Variants in CREB3L4 observed in about 807,000 individuals in gnomAD.
The protein encoded by CREB3L4 is cyclic AMP-responsive element-binding protein 3-like protein 4.
A neutral mutation model predicts 37.0 loss-of-function variants in CREB3L4; 28 were observed. The observed-to-expected ratio is 0.76, with a 90% CI of 0.56 to 1.04. The LOEUF is 1.04. Ranked by LOEUF, CREB3L4 falls within the 50% of genes least tolerant of loss-of-function variation. The pLI is 0.00. For synonymous variants in CREB3L4, 175 were observed against 192.2 expected, an observed-to-expected ratio of 0.91 and a Z score of 0.74; for missense variants, 462 against 486.0, an observed-to-expected ratio of 0.95 and a Z score of 0.46.
chr1:153,973,303 C>G (rs1426309457), intron 7 of CREB3L4, 40 bp downstream of exon 7: 1 of 1,610,228 alleles, frequency 6.2e-7, no homozygotes. Context: ...GTTTTGAAGG[C>G]AGGTACAGCA....
rs1311106305 is a variant in CREB3L4 at position 153,968,085 on chromosome 1, T to G, written c.-84T>G. ...AGCAGAAAGGGCGCGGCTACCTACT[T>G]CTTAAATTCCGTTTGTGGACCCTCA... On this transcript the variant is annotated 5_prime_UTR_variant, in exon 1 of 10. Coordinates refer to ENST00000368607, the MANE Select transcript of CREB3L4 (RefSeq NM_001255978.2). 1 of 155,114 alleles carries G rather than the reference T, an allele frequency of 6.4e-6. No individual in the cohort carries two copies. Among genetic ancestry groups the G allele is most frequent in the South Asian group, 1.9e-4 (1 of 5,220 alleles). The allele number at this position is 155,114 out of a possible 1,614,324, so 9.6% of individuals were successfully genotyped here. A position where few individuals can be genotyped will look rare whatever the true frequency, so the allele number is the denominator to read the frequency against.
chr1:153,974,040 C>A lies in CREB3L4; in HGVS notation c.1163C>A (p.Ser388Tyr), dbSNP rs760527182. Residue 388 changes from serine (S) to tyrosine (Y), a missense_variant, in exon 10 of 10, where the codon TCC (serine) becomes TAC (tyrosine). Physicochemically the swap from Ser to Tyr is moderately radical, Grantham distance 144. Coordinates refer to ENST00000368607, the MANE Select transcript of CREB3L4 (RefSeq NM_001255978.2). The part of the protein sequence containing the change: ...GKPRPSGRIR[S>Y]VLHADEM ...CCAAGACCCAGTGGGCGCATCCGGT[C>A]CGTGCTGCATGCAGATGAGATGTGA... The A allele has an allele frequency of 1.2e-6, 2 of 1,613,910 alleles. No homozygotes were observed. Among genetic ancestry groups the A allele is most frequent in the East Asian group, 4.5e-5 (2 of 44,874 alleles).
At chr1:153,967,886 T>G (rs1405536396), upstream of CREB3L4, 2 of 152,040 alleles carry the variant, frequency 1.3e-5, no homozygotes, top group African/African-American at 4.8e-5. Flanking sequence ...AATTCGCAGG[T>G]CTCTTGACTC....
In CREB3L4 at chr1:153,968,991, A is replaced by G; in HGVS notation, c.236A>G (p.Tyr79Cys). The G allele has an allele frequency of 6.2e-7, 1 of 1,614,124 alleles. No individual in the cohort carries two copies. The highest frequency in any genetic ancestry group is 2.2e-5 in the East Asian group (1 of 44,888). ...CTTTTCATTGATCCCAATGAGGTGT[A>G]CTGCTCAGAAGCATCTCCTGGCAGT... ...LKLFIDPNEV[Y>C]CSEASPGSDS... Residue 79 changes from tyrosine (Y) to cysteine (C), a missense_variant, in exon 3 of 10, where the codon TAC becomes TGC. Physicochemically the swap from Tyr to Cys is radical, Grantham distance 194. Coordinates refer to ENST00000368607, the MANE Select transcript of CREB3L4 (RefSeq NM_001255978.2).
rs760285959 is a variant in CREB3L4 at position 153,974,352 on chromosome 1, A to G, written c.*287A>G. On this transcript the variant is annotated 3_prime_UTR_variant, in exon 10 of 10. Coordinates refer to ENST00000368607, the MANE Select transcript of CREB3L4 (RefSeq NM_001255978.2). ...GTTTTGAGTGAGAAATAAACGTTTT[A>G]GCTGAAATTGTATCCCAGAAGTTTG... is the stretch of plus-strand genomic sequence containing the variant. 4 of 423,260 alleles carry G rather than the reference A, an allele frequency of 9.5e-6. No individual in the cohort carries two copies. The highest frequency in any genetic ancestry group is 1.7e-5 in the Non-Finnish European group (4 of 236,810). The allele number at this position is 423,260 out of a possible 1,614,324, so 26.2% of individuals were successfully genotyped here. A position where few individuals can be genotyped will look rare whatever the true frequency, so the allele number is the denominator to read the frequency against.
In CREB3L4 at chr1:153,972,812, G is replaced by A. The variant is rs1247316785; in HGVS notation, c.612G>A (p.Leu204=). ...KRLLGQEGVS[L]PSHLPLTKAE... Reference sequence around the variant, plus strand: ...TGCTGGGGCAGGAAGGGGTTTCCCTGCCCTCTCACCTGCCCCTCACCAAGG... The same window carrying A: ...TGCTGGGGCAGGAAGGGGTTTCCCTACCCTCTCACCTGCCCCTCACCAAGG... Residue 204 remains leucine, a synonymous_variant, in exon 5 of 10, where the codon CTG becomes CTA. Transcript: ENST00000368607. 1.2e-6 allele frequency: 2 copies of A among 1,613,742 alleles called. No individual in the cohort carries two copies. Among genetic ancestry groups the A allele is most frequent in the Middle Eastern group, 1.7e-4 (1 of 6,040 alleles).
chr1:153,973,783 G>A (rs988323858), intron 9 of CREB3L4, 67 bp downstream of exon 9: 37 of 1,558,084 alleles, frequency 2.4e-5, no homozygotes, highest in Middle Eastern at 3.4e-4. Context: ...CTCCAAGGTC[G>A]TCAAGAAGCA....
intron 4 of CREB3L4, among the ~76,000 whole-genome samples, chr1:153,971,194 C>G (rs1213174801): frequency 6.6e-6 from 1 of 150,768 alleles, no homozygotes; most frequent in African/African-American, 2.4e-5. Flanking sequence ...ATGGTGAAAC[C>G]CCATCTCTAC....
At position 153,968,686 on chromosome 1, in the gene CREB3L4, G is replaced by A; in HGVS notation, c.161G>A (p.Gly54Glu). 3 of 1,613,992 alleles carry A rather than the reference G, an allele frequency of 1.9e-6. No homozygotes were observed. The highest frequency in any genetic ancestry group is 2.5e-6 in the Non-Finnish European group (3 of 1,180,026). ...EQGLQGWKSG[G>E]DRGCGLQESE... ...GGACTGCAAGGCTGGAAGTCCGGTG[G>A]GGACCGTGGCTGTGTGAGTGTGACG... The change falls in exon 2 of 10, where the codon GGG (glycine) becomes GAG (glutamate). Residue 54 changes from glycine (G) to glutamate (E), a missense_variant. Physicochemically the swap from Gly to Glu is moderately conservative, Grantham distance 98 (BLOSUM62 -2). Transcript: ENST00000368607.
chr1:153,969,105 A>G lies in CREB3L4; in HGVS notation c.350A>G (p.Tyr117Cys), dbSNP rs757192742. The change falls in exon 3 of 10, where the codon TAT (tyrosine) becomes TGT (cysteine). Residue 117 changes from tyrosine to cysteine, a missense_variant. Tyr to Cys is a radical substitution (Grantham distance 194, BLOSUM62 -2). Transcript: ENST00000368607. ...TCTCCTATGCTCTATGAGGTTGTCT[A>G]TGAGGCAGGGGCCCTGGAGAGGATG... ...TSSPMLYEVV[Y>C]EAGALERMQG... 1 of 1,614,154 alleles carries G rather than the reference A, an allele frequency of 6.2e-7. No homozygotes were observed. Among genetic ancestry groups the G allele is most frequent in the South Asian group, 1.1e-5 (1 of 91,080 alleles).
In CREB3L4 at chr1:153,969,360, C is replaced by G. The variant is rs754888497; in HGVS notation, c.448C>G (p.Pro150Ala). 6.2e-7 allele frequency: 1 copy of G among 1,614,206 alleles called. No homozygotes were observed. Residue 150 changes from proline to alanine, a missense_variant, in exon 4 of 10, where the codon CCT (proline) becomes GCT (alanine). Pro to Ala is a conservative substitution (Grantham distance 27). Transcript: ENST00000368607. ...LDQWSPAFMV[P>A]DSCMVSELPF... Reference sequence around the variant, plus strand: ...TCAGTGGAGCCCAGCATTTATGGTGCCTGATTCCTGCATGGTCAGTGAGCT... The same window carrying G: ...TCAGTGGAGCCCAGCATTTATGGTGGCTGATTCCTGCATGGTCAGTGAGCT...
chr1:153,969,786 G>A (rs1281552465), intron 4 of CREB3L4: 1 of 275,572 alleles, frequency 3.6e-6, no homozygotes, highest in Non-Finnish European at 7.0e-6. Flanking sequence ...AATTTTTGTA[G>A]AGATGGGGTT....
chr1:153,968,327 G>A (rs549500805), intron 1 of CREB3L4, 163 bp downstream of exon 1: 110 of 551,106 alleles, frequency 2.0e-4, no homozygotes, highest in Non-Finnish European at 3.1e-4. Context: ...CTTGGGGGGG[G>A]CCTCTTTGTC....
rs1174385900 is a variant in CREB3L4 at position 153,968,049 on chromosome 1, G to C, written c.-120G>C. On this transcript the variant is annotated 5_prime_UTR_variant, in exon 1 of 10. Coordinates refer to ENST00000368607, the MANE Select transcript of CREB3L4 (RefSeq NM_001255978.2). Reference sequence around the variant, plus strand: ...CCTCAGGAAGATTTACTATAGCTAAGAGAAAACTGCAGCAGAAAGGGCGCG... The same window carrying C: ...CCTCAGGAAGATTTACTATAGCTAACAGAAAACTGCAGCAGAAAGGGCGCG... 1 of 154,502 alleles carries C rather than the reference G, an allele frequency of 6.5e-6. No homozygotes were observed. Among genetic ancestry groups the C allele is most frequent in the African/African-American group, 2.4e-5 (1 of 41,468 alleles). 9.6% of individuals were successfully genotyped at this position (154,502 alleles called of 1,614,324 possible). A position where few individuals can be genotyped will look rare whatever the true frequency, so the allele number is the denominator to read the frequency against.
intron 9 of CREB3L4, 22 bp from the exon 10 acceptor site, chr1:153,973,850 C>T: frequency 5.6e-6 from 9 of 1,611,550 alleles, no homozygotes; most frequent in Non-Finnish European, 5.9e-6. Context: ...TCTACTACTG[C>T]CCTCTTGCCT....
At position 153,973,770 on chromosome 1, in the gene CREB3L4, G is replaced by A. The variant is rs1399040546; in HGVS notation, c.994+54G>A. ...TGGCTGAGCAAGGGAGGGGGACTCT[G>A]TTCTCCAAGGTCGTCAAGAAGCAAG... is the stretch of plus-strand genomic sequence containing the variant. On this transcript the variant is annotated intron_variant, in intron 9 of 9. Coordinates refer to ENST00000368607, the MANE Select transcript of CREB3L4 (RefSeq NM_001255978.2). 5 of 1,555,530 alleles carry A rather than the reference G, an allele frequency of 3.2e-6. No individual in the cohort carries two copies. In the East Asian group the frequency reaches 6.9e-5, roughly 21 times the overall value.
intron 4 of CREB3L4, among the ~76,000 whole-genome samples, chr1:153,972,160 C>T (rs1369917648): frequency 6.6e-6 from 1 of 152,128 alleles, no homozygotes; most frequent in Admixed American, 6.5e-5. Flanking sequence ...GTGAGAAGGG[C>T]CATCCACTCT....
At chr1:153,969,294 C>G (rs1288862048) in intron 3 of CREB3L4, 40 bp from the exon 4 acceptor site, 1 of 1,614,082 alleles carries the variant, frequency 6.2e-7, no homozygotes, top group Non-Finnish European at 8.5e-7. Context: ...CAGGGTGTTC[C>G]TAAGTCTCCT....
Position 153,973,472 on chromosome 1 carries a change from T to C in CREB3L4, c.897+8T>C, listed in dbSNP as rs1160465299. On this transcript the variant is annotated splice_region_variant and intron_variant, in intron 8 of 9. Transcript: ENST00000368607. ...ACCAGCACTTGTGTTTTGGTACCAT[T>C]AGTCTATCTACTCCCATCTCCCCCC... The C allele has an allele frequency of 4.3e-6, 7 of 1,611,678 alleles. No individual in the cohort carries two copies. The highest frequency in any genetic ancestry group is 5.1e-6 in the Non-Finnish European group (6 of 1,177,806).
Sources: allele counts gnomAD v4.1 joint callset (sites outside exome capture counted in the v4.1 genomes callset), GRCh38; gene constraint gnomAD v4.1.1; transcripts MANE v1.5; gene names NCBI Gene and HGNC (gene_info 2026-07-23, HGNC 2026-07-21).